The following PXYLP1 variants were observed in gnomAD, a reference collection of about 807,000 sequenced individuals.
PXYLP1 encodes acid phosphatase-like 2.
PXYLP1 carries 17 observed loss-of-function variants against 37.9 expected under a neutral mutation model. The observed-to-expected ratio is 0.45, with a 90% CI of 0.31 to 0.67. The LOEUF is 0.67. Ranked by LOEUF, PXYLP1 falls within the 30% of genes least tolerant of loss-of-function variation. The probability of loss-of-function intolerance (pLI) is 0.07; values close to 1 mark genes in which losing one functional copy is unlikely to be tolerated. For missense variants in PXYLP1, 511 were observed against 612.0 expected (o/e 0.84, Z 1.74); for synonymous variants, 221 against 232.2 (o/e 0.95, Z 0.44).
chr3:141,245,349 G>A (rs1472796445), intron 1 of PXYLP1, among the ~76,000 whole-genome samples: 1 of 152,116 alleles, frequency 6.6e-6, no homozygotes, highest in Non-Finnish European at 1.5e-5. Context: ...TTATAGGCAT[G>A]AGCCACCCAC....
intron 1 of PXYLP1, among the ~76,000 whole-genome samples, chr3:141,259,492 A>C (rs2148750071): frequency 6.6e-6 from 1 of 151,892 alleles, no homozygotes; most frequent in South Asian, 2.1e-4. Context: ...AATTTTGAAT[A>C]GGCAGGACGA....
intron 2 of PXYLP1, chr3:141,262,842 C>G (rs928826225): frequency 2.7e-6 from 2 of 733,750 alleles, no homozygotes; most frequent in African/African-American, 3.5e-5. Context: ...TAATTCATAA[C>G]GCACAGGTTT....
Position 141,266,636 on chromosome 3 carries a change from GGAGAGACAGAGGGAGAGAGGGAGAGA to G in PXYLP1, c.79+6389_79+6414del, listed in dbSNP as rs1301284790. On this transcript the variant is annotated intron_variant, in intron 2 of 5. Transcript: ENST00000286353. ...AGCCAGCTCTGTGTGTGTGAGAGAG[GGAGAGACAGAGGGAGAGAGGGAGAGA>G]GAGAGATGGGGGGAGAGAGGGAGAG... Among the ~76,000 whole-genome samples, 1,005 of 146,910 alleles carry G rather than the reference GGAGAGACAGAGGGAGAGAGGGAGAGA, an allele frequency of 6.8e-3. 13 individuals are homozygous for G. Among genetic ancestry groups the G allele is most frequent in the African/African-American group, 0.024 (949 of 39,044 alleles).
chr3:141,269,672 A>G (rs571884901), intron 2 of PXYLP1, among the ~76,000 whole-genome samples: 4 of 152,324 alleles, frequency 2.6e-5, no homozygotes, highest in Admixed American at 1.3e-4. Context: ...ATGAGGATCA[A>G]TCGTTTTCAT....
At chr3:141,277,751 C>T (rs1313956591) in intron 2 of PXYLP1, among the ~76,000 whole-genome samples, 1 of 152,220 alleles carries the variant, frequency 6.6e-6, no homozygotes, top group African/African-American at 2.4e-5. Context: ...AAGACCCACA[C>T]ATGCCACGCC....
At chr3:141,269,074 TTCTC>T (rs1160908660) in intron 2 of PXYLP1, among the ~76,000 whole-genome samples, 2 of 152,244 alleles carry the variant, frequency 1.3e-5, no homozygotes, top group African/African-American at 2.4e-5. Flanking sequence ...CTGGGCCACA[TTCTC>T]TCTTTCCTTG....
At chr3:141,278,605 A>C (rs886715338) in intron 3 of PXYLP1, 105 bp downstream of exon 3, 1 of 1,415,094 alleles carries the variant, frequency 7.1e-7, no homozygotes. Flanking sequence ...CAAGTCCTGC[A>C]GTTGCCACCA....
At chr3:141,248,023 G>GT (rs55888415) in intron 1 of PXYLP1, among the ~76,000 whole-genome samples, 6,369 of 122,840 alleles carry the variant, frequency 0.052, 320 homozygotes, top group South Asian at 0.1. Flanking sequence ...TTTTTGTTTT[G>GT]TTTTTTTTTT....
chr3:141,281,418 C>T (rs978550460), intron 4 of PXYLP1, among the ~76,000 whole-genome samples: 1 of 152,176 alleles, frequency 6.6e-6, no homozygotes, highest in African/African-American at 2.4e-5. Context: ...GAAGAAAGGC[C>T]GCTTGTTGGG....
At chr3:141,278,273 GC>G in intron 2 of PXYLP1, 68 bp from the exon 3 acceptor site, 1 of 1,571,110 alleles carries the variant, frequency 6.4e-7, no homozygotes, top group Non-Finnish European at 8.7e-7. Context: ...ATCCAGCCCT[GC>G]GCTGGGCCTT....
intron 1 of PXYLP1, among the ~76,000 whole-genome samples, chr3:141,243,809 G>T (rs1940873513): frequency 1.3e-5 from 2 of 152,234 alleles, no homozygotes. Context: ...TCCATGTTGT[G>T]ATGAGTGTTG....
At chr3:141,261,487 T>C (rs1274476708) in intron 2 of PXYLP1, among the ~76,000 whole-genome samples, 1 of 152,130 alleles carries the variant, frequency 6.6e-6, no homozygotes, top group African/African-American at 2.4e-5. Context: ...ATAAAGCAAT[T>C]AAATAAATGG....
rs372796599 is a variant in PXYLP1, at chr3:141,250,696, G to A, written c.-53-9427G>A. On this transcript the variant is annotated intron_variant, in intron 1 of 5. Transcript: ENST00000286353. ...GAGTATGGCTGTGATGCCTGGCAGT[G>A]TGGCTGCCAGCTTGCGACCCTGAGA... Among the ~76,000 whole-genome samples, 164 of 152,366 alleles carry A rather than the reference G, an allele frequency of 1.1e-3. 3 individuals carry two copies. The South Asian group carries it at 0.032, about 30-fold the overall frequency.
intron 1 of PXYLP1, among the ~76,000 whole-genome samples, chr3:141,249,270 T>C (rs866170174): frequency 6.6e-6 from 1 of 152,140 alleles, no homozygotes; most frequent in African/African-American, 2.4e-5. Flanking sequence ...TGTAGGTAAG[T>C]GTGATCCCAG....
intron 1 of PXYLP1, among the ~76,000 whole-genome samples, chr3:141,257,392 A>T (rs116412262): frequency 1.8e-3 from 281 of 152,320 alleles, no homozygotes; most frequent in Non-Finnish European, 2.5e-3. Context: ...CTTGTAACAC[A>T]TCTGCTATTG....
At chr3:141,279,970 C>T (rs1384665115) in intron 4 of PXYLP1, among the ~76,000 whole-genome samples, 1 of 152,220 alleles carries the variant, frequency 6.6e-6, no homozygotes, top group Non-Finnish European at 1.5e-5. Flanking sequence ...TTAGCAATTG[C>T]AGAGCCATAT....
intron 1 of PXYLP1, among the ~76,000 whole-genome samples, chr3:141,254,711 G>GTT (rs577412917): frequency 1.9e-4 from 28 of 146,806 alleles, no homozygotes; most frequent in African/African-American, 6.7e-4. Flanking sequence ...GACTTGAAGG[G>GTT]TTTTTTTTTT....
At position 141,274,421 on chromosome 3, in the gene PXYLP1, G is replaced by A. The variant is rs907110376; in HGVS notation, c.80-3921G>A. On this transcript the variant is annotated intron_variant, in intron 2 of 5. Transcript: ENST00000286353. ...TCTGCCATGTTTGGCTGTGTTTCAC[G>A]GCCTCCCCTCTGCTCCTCTCCTCTT... The A allele has an allele frequency of 8.9e-6, 13 of 1,459,430 alleles. No individual in the cohort carries two copies. In the African/African-American group the frequency reaches 9.9e-5, roughly 11 times the overall value. The allele number at this position is 1,459,430 out of a possible 1,614,324, so 90.4% of individuals were successfully genotyped here. A position where few individuals can be genotyped will look rare whatever the true frequency, so the allele number is the denominator to read the frequency against.
At chr3:141,283,149 T>A (rs1559895370) in intron 4 of PXYLP1, among the ~76,000 whole-genome samples, 2 of 151,562 alleles carry the variant, frequency 1.3e-5, no homozygotes, top group East Asian at 1.9e-4. Flanking sequence ...GTATTTTTTT[T>A]TTTTTTTATT....
Sources: allele counts gnomAD v4.1 joint callset (sites outside exome capture counted in the v4.1 genomes callset), GRCh38; gene constraint gnomAD v4.1.1; transcripts MANE v1.5; gene names NCBI Gene and HGNC (gene_info 2026-07-23, HGNC 2026-07-21).